USP14: variants seen among roughly 807,000 people sequenced by gnomAD.
USP14 encodes the protein ubiquitin carboxyl-terminal hydrolase 14.
In USP14, 38 loss-of-function variants were observed where a neutral mutation model predicts 76.5. The ratio of observed to expected loss-of-function variants is 0.50; its 90% confidence interval spans 0.38 to 0.65. USP14 has a LOEUF of 0.65. Among genes scored for constraint, USP14 ranks in the 30% least tolerant of loss-of-function variants. The probability of loss-of-function intolerance (pLI) is 0.00; values close to 1 mark genes in which losing one functional copy is unlikely to be tolerated. For missense variants in USP14, 467 were observed against 586.5 expected, an observed-to-expected ratio of 0.80 and a Z score of 2.10; for synonymous variants, 192 against 191.7, an observed-to-expected ratio of 1.00 and a Z score of -0.01.
chr18:213,975 T>TTAGATAGATAGATAGATTAGA lies in USP14; in HGVS notation c.*2708_*2709insTAGATAGATAGATAGATAGAT, dbSNP rs1910758061. ...TTCTGTAATGGACAAGATAGATAGA[T>TTAGATAGATAGATAGATTAGA]TAGATAGATAGATAGATAGATAGAT... On this transcript the variant is annotated 3_prime_UTR_variant, in exon 16 of 16. Coordinates refer to ENST00000261601, the MANE Select transcript of USP14 (RefSeq NM_005151.4). 1 of 150,100 alleles carries TTAGATAGATAGATAGATTAGA rather than the reference T, an allele frequency of 6.7e-6. No individual in the cohort carries two copies. Among genetic ancestry groups the TTAGATAGATAGATAGATTAGA allele is most frequent in the Non-Finnish European group, 1.5e-5 (1 of 67,764 alleles). 9.3% of individuals were successfully genotyped at this position (150,100 alleles called of 1,614,324 possible).
intron 13 of USP14, among the ~76,000 whole-genome samples, chr18:207,036 A>AAACTTCATGTGTCTT (rs1555603127): frequency 1.4e-5 from 2 of 146,874 alleles, no homozygotes; most frequent in South Asian, 2.2e-4. Flanking sequence ...GCATGTGAAT[A>AAACTTCATGTGTCTT]TCTGGTTGTC....
chr18:199,163 G>T, intron 9 of USP14, 39 bp from the exon 10 acceptor site: 1 of 1,308,100 alleles, frequency 7.6e-7, no homozygotes, highest in South Asian at 1.2e-5. Context: ...ATAACAAATT[G>T]AATACCCGTT....
intron 6 of USP14, among the ~76,000 whole-genome samples, chr18:193,298 T>C (rs914807876): frequency 3.3e-5 from 5 of 152,180 alleles, no homozygotes; most frequent in African/African-American, 9.6e-5. Flanking sequence ...TCTTAAAGGA[T>C]AGAAATAACT....
chr18:208,680 T>C (rs927516811), intron 13 of USP14, among the ~76,000 whole-genome samples: 2 of 152,176 alleles, frequency 1.3e-5, no homozygotes, highest in African/African-American at 4.8e-5. Context: ...TCCTGTTATG[T>C]TTCTGTTGAT....
At chr18:203,632 C>T (rs373148270) in intron 12 of USP14, among the ~76,000 whole-genome samples, 300 of 151,196 alleles carry the variant, frequency 2.0e-3, no homozygotes, top group Middle Eastern at 6.8e-3. Context: ...TTTTTTGAGA[C>T]GGAGTCTCGC....
intron 5 of USP14, among the ~76,000 whole-genome samples, chr18:188,541 G>T (rs1165991375): frequency 1.4e-5 from 2 of 139,654 alleles, no homozygotes. Flanking sequence ...GTGAGGGTTT[G>T]GTGTTACAGT....
At chr18:158,796 C>A in intron 1 of USP14, 82 bp downstream of exon 1, 1 of 1,313,064 alleles carries the variant, frequency 7.6e-7, no homozygotes, top group Non-Finnish European at 9.6e-7. Context: ...CGGGCGGGCA[C>A]CCGGCATGGA....
intron 6 of USP14, among the ~76,000 whole-genome samples, chr18:194,882 G>A (rs1266025715): frequency 6.6e-6 from 1 of 152,204 alleles, no homozygotes; most frequent in Non-Finnish European, 1.5e-5. Context: ...AGTGAGCTGA[G>A]ATTGTGTCAG....
intron 10 of USP14, among the ~76,000 whole-genome samples, chr18:199,776 A>G (rs1261513887): frequency 1.3e-5 from 2 of 152,196 alleles, no homozygotes; most frequent in African/African-American, 4.8e-5. Context: ...TTAAACAGAA[A>G]CACACATAAA....
chr18:171,810 T>C (rs1039799654), intron 3 of USP14, among the ~76,000 whole-genome samples: 1 of 152,180 alleles, frequency 6.6e-6, no homozygotes, highest in Non-Finnish European at 1.5e-5. Context: ...GGAGCATTCA[T>C]GGGAGGAAGT....
chr18:194,617 A>T (rs1416801819), intron 6 of USP14, among the ~76,000 whole-genome samples: 1 of 152,116 alleles, frequency 6.6e-6, no homozygotes, highest in Non-Finnish European at 1.5e-5. Flanking sequence ...GACATTCATA[A>T]CCACAAGACA....
chr18:166,857 A>T (rs1485381349), intron 3 of USP14, 38 bp downstream of exon 3: 3 of 1,575,738 alleles, frequency 1.9e-6, no homozygotes, highest in Non-Finnish European at 2.6e-6. Context: ...ATAATGCAGT[A>T]ACCTCATTAT....
chr18:194,567 G>A (rs1910179678), intron 6 of USP14, among the ~76,000 whole-genome samples: 1 of 152,140 alleles, frequency 6.6e-6, no homozygotes, highest in South Asian at 2.1e-4. Flanking sequence ...TAAGGCGCCA[G>A]ACATCCTGAA....
intron 5 of USP14, among the ~76,000 whole-genome samples, chr18:186,751 CAAAA>C (rs546501068): frequency 1.4e-5 from 2 of 145,180 alleles, no homozygotes; most frequent in African/African-American, 5.1e-5. Flanking sequence ...GACTGTGTCT[CAAAA>C]AAAAAAGAGA....
rs1909072513 is a variant in USP14, at chr18:160,037, T to A, written c.16+1323T>A. 2.6e-5 allele frequency among the ~76,000 whole-genome samples: 4 copies of A among 152,236 alleles called. No individual in the cohort carries two copies. The South Asian group carries it at 8.3e-4, about 31-fold the overall frequency. On this transcript the variant is annotated intron_variant, in intron 1 of 15. Transcript: ENST00000261601. ...AAGTATCTAGTCTGAGCGCGGTGGCTCACGCCTGTAATCCCAGCTCTTTGG... is the reference window on the plus strand; with the variant it reads ...AAGTATCTAGTCTGAGCGCGGTGGCACACGCCTGTAATCCCAGCTCTTTGG...
At chr18:172,629 G>A (rs1047465607) in intron 3 of USP14, among the ~76,000 whole-genome samples, 9 of 152,046 alleles carry the variant, frequency 5.9e-5, no homozygotes, top group African/African-American at 2.2e-4. Context: ...AACCAGTGCC[G>A]TGATCAGTCA....
chr18:163,034 C>A, intron 1 of USP14: 1 of 224,984 alleles, frequency 4.4e-6, no homozygotes, highest in Non-Finnish European at 8.6e-6. Context: ...CCTCGACCTC[C>A]CAAAGTACTG....
chr18:214,017 T>TGATTGA lies in USP14; in HGVS notation c.*2733_*2734insGATTGA, dbSNP rs113588904. 7.1e-6 allele frequency: 1 copy of TGATTGA among 140,984 alleles called. No individual in the cohort carries two copies. Among genetic ancestry groups the TGATTGA allele is most frequent in the Non-Finnish European group, 1.6e-5 (1 of 62,566 alleles). The allele number at this position is 140,984 out of a possible 1,614,324, so 8.7% of individuals were successfully genotyped here. ...TAGATAGATGATGATTGATTGATGA[T>TGATTGA]TGATAGTAAATTATTTCAGGCTTTG... On this transcript the variant is annotated 3_prime_UTR_variant, in exon 16 of 16. Coordinates refer to ENST00000261601, the MANE Select transcript of USP14 (RefSeq NM_005151.4).
At chr18:173,442 G>C (rs1018868495) in intron 3 of USP14, among the ~76,000 whole-genome samples, 2 of 144,224 alleles carry the variant, frequency 1.4e-5, no homozygotes, top group Non-Finnish European at 3.0e-5. Flanking sequence ...ACGGAGTTCC[G>C]TTCTTGTTGC....
Sources: gnomAD v4.1 joint callset for allele counts (sites outside exome capture counted in the v4.1 genomes callset) on GRCh38, gnomAD v4.1.1 for gene constraint, MANE v1.5 for transcripts, NCBI Gene and HGNC (gene_info 2026-07-23, HGNC 2026-07-21) for gene names.